The following MCF2L2 variants were observed in gnomAD, a reference collection of about 807,000 sequenced individuals.
MCF2L2 encodes MCF.2 cell line derived transforming sequence-like 2, also known as probable guanine nucleotide exchange factor MCF2L2.
In MCF2L2, 102 loss-of-function variants were observed where a neutral mutation model predicts 150.2. The observed-to-expected ratio is 0.68, with a 90% confidence interval of 0.58 to 0.80. The LOEUF (loss-of-function observed/expected upper bound fraction) is 0.80. Ranked by LOEUF, MCF2L2 falls within the 30% of genes least tolerant of loss-of-function variation. The pLI, the probability that MCF2L2 is intolerant of heterozygous loss-of-function variation, is 0.00. For missense variants in MCF2L2, 1,256 were observed against 1,372.8 expected, an observed-to-expected ratio of 0.91 and a Z score of 1.34; for synonymous variants, 465 against 491.3, an observed-to-expected ratio of 0.95 and a Z score of 0.71.
chr3:183,404,455 C>A (rs1333934696), intron 1 of MCF2L2, among the ~76,000 whole-genome samples: 2 of 152,194 alleles, frequency 1.3e-5, no homozygotes, highest in African/African-American at 4.8e-5. Flanking sequence ...AAAACAAGAA[C>A]CCCACATCCT....
At chr3:183,275,627 G>T (rs1727119181) in intron 15 of MCF2L2, among the ~76,000 whole-genome samples, 1 of 151,578 alleles carries the variant, frequency 6.6e-6, no homozygotes, top group Non-Finnish European at 1.5e-5. Flanking sequence ...CTTCCTCTTT[G>T]AGACAGGGTT....
intron 15 of MCF2L2, among the ~76,000 whole-genome samples, chr3:183,276,241 G>A (rs908310801): frequency 1.3e-5 from 2 of 152,292 alleles, no homozygotes; most frequent in African/African-American, 2.4e-5. Context: ...CATTCCTAAA[G>A]ATGTTTGTTC....
rs113604589 is a variant in MCF2L2, at chr3:183,323,336, A to G, written c.502T>C (p.Ser168Pro). Reference sequence around the variant, plus strand: ...ATGTAGCCGTGAAGGTCAGAGACAGAGTTTACCATGATGATCTGTAAGGTA... The same window carrying G: ...ATGTAGCCGTGAAGGTCAGAGACAGGGTTTACCATGATGATCTGTAAGGTA... Reference protein sequence around the residue: ...KTKVPIIMVNSVSDLHGYIDK... With the variant: ...KTKVPIIMVNPVSDLHGYIDK... The change falls in exon 6 of 30, where the codon TCT becomes CCT. Residue 168 changes from serine (S) to proline (P), a missense_variant. Transcript: ENST00000328913. 2 of 1,611,096 alleles carry G rather than the reference A, an allele frequency of 1.2e-6. No homozygotes were observed. The highest frequency in any genetic ancestry group is 3.3e-5 in the Admixed American group (2 of 60,000).
chr3:183,306,478 T>A (rs1275624660), intron 10 of MCF2L2, among the ~76,000 whole-genome samples: 1 of 152,174 alleles, frequency 6.6e-6, no homozygotes, highest in Non-Finnish European at 1.5e-5. Flanking sequence ...TTGAAATAAG[T>A]TTATTTCCCC....
rs1226108354 is a variant in MCF2L2 at position 183,375,579 on chromosome 3, T to G, written c.275+3718A>C. On this transcript the variant is annotated intron_variant, in intron 3 of 29. Transcript: ENST00000328913. ...CTTTACAGCATCGTACACCGCACCC[T>G]ACATGCTGTGGGCTCTCATAGAGGT... is the stretch of plus-strand genomic sequence containing the variant. 3 of 152,206 alleles carry G rather than the reference T, an allele frequency of 2.0e-5. No homozygotes were observed. In the East Asian group the frequency reaches 5.8e-4, roughly 29 times the overall value. The allele number at this position is 152,206 out of a possible 1,614,324, so 9.4% of individuals were successfully genotyped here.
At chr3:183,396,989 A>G (rs977951074) in intron 1 of MCF2L2, among the ~76,000 whole-genome samples, 15 of 152,218 alleles carry the variant, frequency 9.9e-5, no homozygotes, top group African/African-American at 3.4e-4. Context: ...TTGATGGTGG[A>G]CTTGTGGCCT....
chr3:183,197,893 CCCT>C lies in MCF2L2; in HGVS notation c.2885-2641_2885-2639del, dbSNP rs1323340547. Among the ~76,000 whole-genome samples, 1 of 152,012 alleles carries C rather than the reference CCCT, an allele frequency of 6.6e-6. No individual in the cohort carries two copies. Among genetic ancestry groups the C allele is most frequent in the African/African-American group, 2.4e-5 (1 of 41,380 alleles). ...AAAACCTAATGACATACCACTATGC[CCCT>C]ATTAGAAATCTGAAAATTTAAAAGA... On this transcript the variant is annotated intron_variant, in intron 25 of 29. Transcript: ENST00000328913. This position sits in a 1 kb window ranked among gnomAD's most constrained non-coding sequence, Gnocchi z 4.5.
At chr3:183,309,487 C>T (rs1194778356) in intron 10 of MCF2L2, among the ~76,000 whole-genome samples, 1 of 152,098 alleles carries the variant, frequency 6.6e-6, no homozygotes, top group African/African-American at 2.4e-5. Flanking sequence ...CCGACCTGAG[C>T]GTCCAACTGC....
intron 15 of MCF2L2, among the ~76,000 whole-genome samples, chr3:183,261,692 T>A (rs1280973214): frequency 6.6e-6 from 1 of 152,134 alleles, no homozygotes; most frequent in African/African-American, 2.4e-5. Flanking sequence ...CTACAGTATT[T>A]TATTTCCCCC....
chr3:183,272,551 G>T, intron 15 of MCF2L2: 8 of 991,974 alleles, frequency 8.1e-6, no homozygotes, highest in Non-Finnish European at 8.5e-6. Context: ...TTTGAGGCTT[G>T]TTTACATTGC....
chr3:183,191,217 T>A (rs1214197647), intron 27 of MCF2L2, among the ~76,000 whole-genome samples: 1 of 152,136 alleles, frequency 6.6e-6, no homozygotes, highest in Non-Finnish European at 1.5e-5. Flanking sequence ...ACAGAAAAAC[T>A]GAGAGGAAGG....
In MCF2L2 at chr3:183,272,206, C is replaced by T. The variant is rs1322950032; in HGVS notation, c.1862+4666G>A. Reference sequence around the variant, plus strand: ...GTCTGAGATCTAATAGAGTAAGTTACATTTATTTTACAAAGCAGGATAAAA... The same window carrying T: ...GTCTGAGATCTAATAGAGTAAGTTATATTTATTTTACAAAGCAGGATAAAA... On this transcript the variant is annotated intron_variant, in intron 15 of 29. Coordinates refer to ENST00000328913, the MANE Select transcript of MCF2L2 (RefSeq NM_015078.4). 10 of 999,814 alleles carry T rather than the reference C, an allele frequency of 1.0e-5. 1 individual carries two copies. In the African/African-American group the frequency reaches 1.6e-4, roughly 16 times the overall value. The allele number at this position is 999,814 out of a possible 1,614,324, so 61.9% of individuals were successfully genotyped here.
intron 15 of MCF2L2, among the ~76,000 whole-genome samples, chr3:183,258,643 C>A (rs1003695028): frequency 1.3e-5 from 2 of 152,110 alleles, no homozygotes; most frequent in Admixed American, 6.6e-5. Context: ...AGGACACCAC[C>A]CCCCCGCCCC....
chr3:183,428,340 G>A lies in MCF2L2; in HGVS notation c.-363C>T. On this transcript the variant is annotated 5_prime_UTR_variant, in exon 1 of 30. Coordinates refer to ENST00000328913, the MANE Select transcript of MCF2L2 (RefSeq NM_015078.4). The surrounding 1 kb of genome is among the most constrained non-coding windows in gnomAD (Gnocchi z 5.1). ...CGGTCCCGGCCGCCAGGTTTCCGGC[G>A]CCGCCTCCAGGGACTGTAGAGTGAG... 3.5e-6 allele frequency: 1 copy of A among 285,646 alleles called. No homozygotes were observed. The highest frequency in any genetic ancestry group is 6.6e-6 in the Non-Finnish European group (1 of 151,556). The allele number at this position is 285,646 out of a possible 1,614,324, so 17.7% of individuals were successfully genotyped here. A position where few individuals can be genotyped will look rare whatever the true frequency, so the allele number is the denominator to read the frequency against.
In MCF2L2 at chr3:183,223,383, G is replaced by A; in HGVS notation, c.2264C>T (p.Pro755Leu). The A allele has an allele frequency of 6.2e-7, 1 of 1,614,084 alleles. No individual in the cohort carries two copies. The highest frequency in any genetic ancestry group is 8.5e-7 in the Non-Finnish European group (1 of 1,179,958). ...CTGGTATTTTATAAGTCTCTGGCTT[G>A]GTCCTTTGAGATACTTAAAAAGAGG... ...NLPLFKYLKG[P>L]SQRLIKYQML... Residue 755 changes from proline to leucine, a missense_variant, in exon 20 of 30, where the codon CCA becomes CTA. Physicochemically the swap from Pro to Leu is moderately conservative, Grantham distance 98. Transcript: ENST00000328913.
intron 26 of MCF2L2, among the ~76,000 whole-genome samples, chr3:183,194,554 C>T (rs1264132727): frequency 6.6e-6 from 1 of 152,072 alleles, no homozygotes; most frequent in East Asian, 1.9e-4. Context: ...GCAGGGCAGC[C>T]TTGTGAAAAT....
In MCF2L2 at chr3:183,263,089, G is replaced by C. The variant is rs368907140; in HGVS notation, c.1862+13783C>G. On this transcript the variant is annotated intron_variant, in intron 15 of 29. Coordinates refer to ENST00000328913, the MANE Select transcript of MCF2L2 (RefSeq NM_015078.4). ...TATTTAGAAGTTGCAGCTGAGGAGT[G>C]AGTGTACTATAGAGTGAGTATCCTG... Among the ~76,000 whole-genome samples, 54 of 152,228 alleles carry C rather than the reference G, an allele frequency of 3.5e-4. 2 individuals carry two copies. The highest frequency in any genetic ancestry group is 1.6e-3 in the Admixed American group (25 of 15,298).
chr3:183,203,794 C>G (rs1186725338), intron 25 of MCF2L2, among the ~76,000 whole-genome samples: 1 of 152,126 alleles, frequency 6.6e-6, no homozygotes, highest in African/African-American at 2.4e-5. Flanking sequence ...CTAGAGATAA[C>G]ATAATCAAAC....
intron 14 of MCF2L2, among the ~76,000 whole-genome samples, chr3:183,288,409 A>G (rs1171555472): frequency 6.6e-6 from 1 of 151,994 alleles, no homozygotes; most frequent in Non-Finnish European, 1.5e-5. Flanking sequence ...GAGCCTATTC[A>G]GGGTTCACCA....
Sources: gnomAD v4.1 joint callset for allele counts (sites outside exome capture counted in the v4.1 genomes callset) on GRCh38, gnomAD v4.1.1 for gene constraint, Gnocchi (gnomAD v3.1) non-coding constraint, MANE v1.5 for transcripts, NCBI Gene and HGNC (gene_info 2026-07-23, HGNC 2026-07-21) for gene names.